The following CCDC148 variants were observed in gnomAD, a reference collection of about 807,000 sequenced individuals.
The protein encoded by CCDC148 is coiled-coil domain containing 148, also known as coiled-coil domain-containing protein 148.
In CCDC148, 89 loss-of-function variants were observed where a neutral mutation model predicts 85.7. The observed-to-expected ratio is 1.04, with a 90% CI of 0.87 to 1.24. CCDC148 has a LOEUF of 1.24. Among genes scored for constraint, CCDC148 ranks in the 50% most tolerant of loss-of-function variants. The probability of loss-of-function intolerance (pLI) is 0.00; values close to 1 mark genes in which losing one functional copy is unlikely to be tolerated. For missense variants in CCDC148, 692 were observed against 671.7 expected, an observed-to-expected ratio of 1.03 and a Z score of -0.33; for synonymous variants, 230 against 213.9, an observed-to-expected ratio of 1.08 and a Z score of -0.66.
At chr2:158,448,415 A>G (rs915015088) in intron 1 of CCDC148, among the ~76,000 whole-genome samples, 5 of 151,140 alleles carry the variant, frequency 3.3e-5, no homozygotes, top group Non-Finnish European at 7.4e-5. Flanking sequence ...TGGTGTGATC[A>G]CAGCTCACTG....
chr2:158,326,890 G>C (rs1177644176), intron 7 of CCDC148, among the ~76,000 whole-genome samples: 1 of 151,904 alleles, frequency 6.6e-6, no homozygotes. Context: ...ATATATGTTT[G>C]CTTTTTCCTG....
At chr2:158,387,502 T>A (rs988718434) in intron 1 of CCDC148, among the ~76,000 whole-genome samples, 1 of 151,154 alleles carries the variant, frequency 6.6e-6, no homozygotes, top group Admixed American at 6.6e-5. Flanking sequence ...ACCACCTCTC[T>A]TCTACACAGA....
chr2:158,280,973 T>G (rs1690259150), intron 9 of CCDC148, among the ~76,000 whole-genome samples: 1 of 152,184 alleles, frequency 6.6e-6, no homozygotes, highest in Non-Finnish European at 1.5e-5. Flanking sequence ...ATTAAGGAAC[T>G]CACTCAAAAC....
At chr2:158,359,349 G>A (rs1267912999) in intron 1 of CCDC148, among the ~76,000 whole-genome samples, 1 of 152,134 alleles carries the variant, frequency 6.6e-6, no homozygotes, top group Non-Finnish European at 1.5e-5. Flanking sequence ...AATGATTTCA[G>A]GCCAATCACA....
intron 9 of CCDC148, among the ~76,000 whole-genome samples, chr2:158,251,746 AT>A (rs1202216572): frequency 6.6e-6 from 1 of 151,860 alleles, no homozygotes; most frequent in Non-Finnish European, 1.5e-5. Flanking sequence ...TCCACGACAT[AT>A]TGTTAGATGC....
intron 1 of CCDC148, among the ~76,000 whole-genome samples, chr2:158,365,120 C>T (rs990238437): frequency 6.6e-5 from 10 of 152,130 alleles, no homozygotes; most frequent in Non-Finnish European, 7.4e-5. Context: ...CATCTCATGC[C>T]AGTCAGAATA....
chr2:158,451,684 T>C (rs988723652), intron 1 of CCDC148, among the ~76,000 whole-genome samples: 1 of 152,010 alleles, frequency 6.6e-6, no homozygotes, highest in Non-Finnish European at 1.5e-5. Context: ...GGCTTTGATA[T>C]GGGAGAGTAG....
At chr2:158,236,682 A>C (rs1168356375) in intron 10 of CCDC148, among the ~76,000 whole-genome samples, 2 of 152,186 alleles carry the variant, frequency 1.3e-5, no homozygotes, top group Non-Finnish European at 2.9e-5. Context: ...CACAGAGCCT[A>C]CATAACTTGC....
intron 10 of CCDC148, among the ~76,000 whole-genome samples, chr2:158,242,440 C>G (rs1392550350): frequency 1.3e-5 from 2 of 152,120 alleles, no homozygotes; most frequent in Non-Finnish European, 2.9e-5. Flanking sequence ...AAATAGCACA[C>G]AGACACAAAC....
In CCDC148 at chr2:158,220,465, T is replaced by C. The variant is rs1245266316; in HGVS notation, c.1370+130A>G. On this transcript the variant is annotated intron_variant, in intron 11 of 13. Coordinates refer to ENST00000283233, the MANE Select transcript of CCDC148 (RefSeq NM_138803.4). ...CATCATAGATATCATTGTATTCATT[T>C]GTGAATATAAATATTGAAAGGATAC... is the stretch of plus-strand genomic sequence containing the variant. 6.2e-6 allele frequency: 4 copies of C among 640,134 alleles called. No individual in the cohort carries two copies. In the East Asian group the frequency reaches 1.1e-4, roughly 18 times the overall value. 39.7% of individuals were successfully genotyped at this position (640,134 alleles called of 1,614,324 possible).
chr2:158,419,909 A>T (rs1424740620), intron 1 of CCDC148: 2 of 152,142 alleles, frequency 1.3e-5, no homozygotes, highest in Admixed American at 1.3e-4. Context: ...GAAAACTGGA[A>T]CCAGGAGGTA....
At position 158,266,346 on chromosome 2, in the gene CCDC148, T is replaced by C. The variant is rs61268695; in HGVS notation, c.1111-15434A>G. On this transcript the variant is annotated intron_variant, in intron 9 of 13. Transcript: ENST00000283233. ...TTGACTCCAGCCAGTTGCTGCCACA[T>C]AGGAATGAGTGTAGGCCTGCGGTCA... 5.1e-3 allele frequency among the ~76,000 whole-genome samples: 783 copies of C among 152,284 alleles called. 6 individuals carry two copies. The highest frequency in any genetic ancestry group is 0.018 in the African/African-American group (732 of 41,576).
intron 2 of CCDC148, among the ~76,000 whole-genome samples, chr2:158,349,621 G>A (rs1449398461): frequency 6.6e-6 from 1 of 151,674 alleles, no homozygotes; most frequent in African/African-American, 2.4e-5. Context: ...AGTCCTATTT[G>A]GCAATTGTTC....
intron 1 of CCDC148, among the ~76,000 whole-genome samples, chr2:158,372,672 T>C (rs1684497248): frequency 6.6e-6 from 1 of 152,018 alleles, no homozygotes; most frequent in Non-Finnish European, 1.5e-5. Flanking sequence ...ATATGTAGAA[T>C]TTTATCAATA....
Position 158,248,994 on chromosome 2 carries a change from T to G in CCDC148, c.1251+1778A>C, listed in dbSNP as rs534174345. Among the ~76,000 whole-genome samples the G allele has an allele frequency of 5.9e-5, 9 of 152,240 alleles. No individual in the cohort carries two copies. In the South Asian group the frequency reaches 1.9e-3, roughly 32 times the overall value. ...AGGAAGCTCTCTCTCTCTCATCTTT[T>G]AAATGCCTTTCTCTCACTTCCAGAA... On this transcript the variant is annotated intron_variant, in intron 10 of 13. Coordinates refer to ENST00000283233, the MANE Select transcript of CCDC148 (RefSeq NM_138803.4).
chr2:158,446,982 ATGTTT>A (rs981616857), intron 1 of CCDC148, among the ~76,000 whole-genome samples: 1 of 152,080 alleles, frequency 6.6e-6, no homozygotes, highest in Admixed American at 6.6e-5. Flanking sequence ...CGAGTATGCC[ATGTTT>A]TGTTTTGTCA....
chr2:158,418,098 GTTT>G lies in CCDC148; in HGVS notation c.25+38314_25+38316del, dbSNP rs544670743. ...CCATAAATGTAAAAATCCCTTGAGTGTTTTTTTTTTTAGTTTTCTGGAAAGAAC... is the reference window on the plus strand; with the variant it reads ...CCATAAATGTAAAAATCCCTTGAGTGTTTTTTTTAGTTTTCTGGAAAGAAC... On this transcript the variant is annotated intron_variant, in intron 1 of 13. Transcript: ENST00000283233. Among the ~76,000 whole-genome samples the G allele has an allele frequency of 1.5e-4, 22 of 145,298 alleles. No individual in the cohort carries two copies. The South Asian group carries it at 2.6e-3, about 17-fold the overall frequency.
intron 1 of CCDC148, among the ~76,000 whole-genome samples, chr2:158,397,472 T>C (rs1685574310): frequency 6.6e-6 from 1 of 152,150 alleles, no homozygotes; most frequent in Admixed American, 6.5e-5. Context: ...GGGGCCAATA[T>C]TCAACATCCT....
At chr2:158,245,304 C>T (rs1447416639) in intron 10 of CCDC148, among the ~76,000 whole-genome samples, 1 of 152,142 alleles carries the variant, frequency 6.6e-6, no homozygotes, top group African/African-American at 2.4e-5. Context: ...CAATGTTCTA[C>T]CAAAGCCATG....
Sources: gnomAD v4.1 joint callset for allele counts (sites outside exome capture counted in the v4.1 genomes callset) on GRCh38, gnomAD v4.1.1 for gene constraint, MANE v1.5 for transcripts, NCBI Gene and HGNC (gene_info 2026-07-23, HGNC 2026-07-21) for gene names.